Variants in ATRNL1 observed in about 807,000 individuals in gnomAD.
ATRNL1 encodes attractin like 1.
A neutral mutation model predicts 182.7 loss-of-function variants in ATRNL1; 95 were observed. The observed-to-expected ratio is 0.52, with a 90% CI of 0.44 to 0.62. The LOEUF (loss-of-function observed/expected upper bound fraction) is 0.62. Ranked by LOEUF, ATRNL1 falls within the 20% of genes least tolerant of loss-of-function variation. The pLI, the probability that ATRNL1 is intolerant of heterozygous loss-of-function variation, is 0.00. For synonymous variants in ATRNL1, 576 were observed against 568.3 expected (o/e 1.01, Z -0.19); for missense variants, 1,471 against 1,679.5 (o/e 0.88, Z 2.17).
intron 26 of ATRNL1, among the ~76,000 whole-genome samples, chr10:115,602,994 C>T (rs1234160581): frequency 6.6e-6 from 1 of 151,982 alleles, no homozygotes; most frequent in Non-Finnish European, 1.5e-5. Flanking sequence ...TACAAATGAA[C>T]AGCCAGATGA....
intron 26 of ATRNL1, among the ~76,000 whole-genome samples, chr10:115,606,018 A>G (rs1565208107): frequency 6.6e-6 from 1 of 152,060 alleles, no homozygotes; most frequent in Non-Finnish European, 1.5e-5. Flanking sequence ...GAGAAAAAGA[A>G]GAAAATTAAG....
intron 8 of ATRNL1, among the ~76,000 whole-genome samples, chr10:115,191,331 C>T (rs1428416150): frequency 3.9e-5 from 6 of 152,044 alleles, no homozygotes; most frequent in African/African-American, 9.7e-5. Context: ...ATGTTCTCAC[C>T]GGCAGTGTAT....
intron 27 of ATRNL1, among the ~76,000 whole-genome samples, chr10:115,771,466 G>A (rs1948989954): frequency 6.6e-6 from 1 of 152,164 alleles, no homozygotes; most frequent in African/African-American, 2.4e-5. Context: ...TCCTGACCTC[G>A]TGATCCGCCC....
intron 28 of ATRNL1, among the ~76,000 whole-genome samples, chr10:115,849,323 A>G (rs1951000734): frequency 6.6e-6 from 1 of 152,202 alleles, no homozygotes; most frequent in Non-Finnish European, 1.5e-5. Context: ...TAAGATGGAT[A>G]ATTATAGGTA....
At chr10:115,379,920 G>A (rs1857897878) in intron 19 of ATRNL1, among the ~76,000 whole-genome samples, 1 of 152,070 alleles carries the variant, frequency 6.6e-6, no homozygotes, top group African/African-American at 2.4e-5. Context: ...TCCACCTCCC[G>A]GGTTCACACC....
chr10:115,319,311 G>C (rs1262100695), intron 18 of ATRNL1, among the ~76,000 whole-genome samples: 1 of 152,104 alleles, frequency 6.6e-6, no homozygotes, highest in African/African-American at 2.4e-5. Context: ...TTCCAATTAT[G>C]TGGTCAATTT....
chr10:115,332,825 T>G (rs981686116), intron 18 of ATRNL1, among the ~76,000 whole-genome samples: 8 of 86,514 alleles, frequency 9.2e-5, no homozygotes, highest in East Asian at 5.8e-4. Context: ...TTAATATCTG[T>G]TTTTTTTTTA....
intron 19 of ATRNL1, among the ~76,000 whole-genome samples, chr10:115,377,184 T>A (rs1274581420): frequency 6.6e-6 from 1 of 152,170 alleles, no homozygotes; most frequent in African/African-American, 2.4e-5. Context: ...AAATTGTAGC[T>A]CCCATAATTT....
intron 5 of ATRNL1, among the ~76,000 whole-genome samples, chr10:115,135,625 G>T (rs1252760537): frequency 6.6e-6 from 1 of 152,142 alleles, no homozygotes; most frequent in South Asian, 2.1e-4. Context: ...GTAATTTATA[G>T]ATCAGTGCCA....
intron 28 of ATRNL1, among the ~76,000 whole-genome samples, chr10:115,856,450 A>AAAAAAAAAAAAAAAAAAAAAAC (rs56927270): frequency 6.8e-6 from 1 of 147,424 alleles, no homozygotes; most frequent in East Asian, 2.0e-4. Flanking sequence ...AAAAAAAAAA[A>AAAAAAAAAAAAAAAAAAAAAAC]GCCATACATA....
At chr10:115,885,633 A>G (rs1017992631) in intron 28 of ATRNL1, among the ~76,000 whole-genome samples, 11 of 152,224 alleles carry the variant, frequency 7.2e-5, no homozygotes, top group African/African-American at 1.2e-4. Context: ...TTCCTTATCA[A>G]TGTTAACTTT....
At chr10:115,715,292 T>A (rs1456956828) in intron 26 of ATRNL1, among the ~76,000 whole-genome samples, 1 of 152,176 alleles carries the variant, frequency 6.6e-6, no homozygotes, top group Admixed American at 6.5e-5. Flanking sequence ...TTCACAAAGT[T>A]TGAAAATAAG....
chr10:115,389,540 G>GTATGTATA (rs1843870917), intron 19 of ATRNL1, among the ~76,000 whole-genome samples: 2 of 44,490 alleles, frequency 4.5e-5, no homozygotes, highest in African/African-American at 7.6e-5. Flanking sequence ...ATGTGTATGT[G>GTATGTATA]TATATATATA....
chr10:115,374,462 TTC>T lies in ATRNL1; in HGVS notation c.3176-20196_3176-20195del, dbSNP rs1554948984. Among the ~76,000 whole-genome samples, 103 of 143,028 alleles carry T rather than the reference TTC, an allele frequency of 7.2e-4. 1 individual carries two copies. Among genetic ancestry groups the T allele is most frequent in the African/African-American group, 2.5e-3 (101 of 39,682 alleles). 93.8% of individuals were successfully genotyped at this position (143,028 alleles called of 152,430 possible). A position where few individuals can be genotyped will look rare whatever the true frequency, so the allele number is the denominator to read the frequency against. ...CCTTCTCCTTCCTTCCTTTCCTTCC[TTC>T]CTTCCTTCCTTCCTTCCTTCCTTCT... On this transcript the variant is annotated intron_variant, in intron 19 of 28. Coordinates refer to ENST00000355044, the MANE Select transcript of ATRNL1 (RefSeq NM_207303.4).
At chr10:115,273,089 A>T (rs976502455) in intron 13 of ATRNL1, among the ~76,000 whole-genome samples, 1 of 152,010 alleles carries the variant, frequency 6.6e-6, no homozygotes, top group Non-Finnish European at 1.5e-5. Flanking sequence ...ACCTAGGGGG[A>T]TGGCACCATA....
At chr10:115,530,576 C>G (rs17724227) in intron 25 of ATRNL1, among the ~76,000 whole-genome samples, 64,246 of 151,808 alleles carry the variant, frequency 0.42, 14,091 homozygotes, top group Middle Eastern at 0.53. Flanking sequence ...TGCAAGTGAG[C>G]AGAATAATGC....
chr10:115,777,463 A>G (rs1196538564), intron 27 of ATRNL1, among the ~76,000 whole-genome samples: 1 of 152,200 alleles, frequency 6.6e-6, no homozygotes, highest in Non-Finnish European at 1.5e-5. Flanking sequence ...AGTCTTGCTA[A>G]GCAAATAGTA....
intron 25 of ATRNL1, among the ~76,000 whole-genome samples, chr10:115,533,076 G>A (rs200305812): frequency 0.17 from 25,370 of 150,986 alleles, 1,905 homozygotes; most frequent in Non-Finnish European, 0.24. Context: ...TTTTTTGGTT[G>A]TGTCTCTGCC....
At chr10:115,273,180 G>A (rs782733483) in intron 13 of ATRNL1, among the ~76,000 whole-genome samples, 19 of 152,054 alleles carry the variant, frequency 1.2e-4, no homozygotes, top group Non-Finnish European at 2.4e-4. Context: ...TCGGTGGATG[G>A]AAGTCCATTT....
Sources: allele counts gnomAD v4.1 joint callset (sites outside exome capture counted in the v4.1 genomes callset), GRCh38; gene constraint gnomAD v4.1.1; transcripts MANE v1.5; gene names NCBI Gene and HGNC (gene_info 2026-07-23, HGNC 2026-07-21).